PLD1: variants seen among roughly 807,000 people sequenced by gnomAD.
The protein encoded by PLD1 is choline phosphatase 1.
Under a neutral mutation model 137.1 loss-of-function variants are expected in PLD1, and 112 were observed. The observed-to-expected ratio is 0.82, with a 90% confidence interval of 0.70 to 0.96. PLD1 has a LOEUF of 0.96. PLD1 is among the 40% of genes least tolerant of loss of function. The pLI is 0.00. For missense variants in PLD1, 1,321 were observed against 1,342.0 expected (o/e 0.98, Z 0.24); for synonymous variants, 431 against 454.7 (o/e 0.95, Z 0.66).
At chr3:171,743,995 A>G (rs941525634) in intron 1 of PLD1, among the ~76,000 whole-genome samples, 4 of 152,302 alleles carry the variant, frequency 2.6e-5, no homozygotes, top group East Asian at 1.9e-4. Flanking sequence ...CATACCACAG[A>G]CACACTCAGA....
intron 22 of PLD1, 182 bp from the exon 23 acceptor site, chr3:171,643,071 T>C (rs979579886): frequency 7.9e-6 from 4 of 504,158 alleles, no homozygotes; most frequent in African/African-American, 6.1e-5. Flanking sequence ...ATGCTACTAA[T>C]AGGGACATGA....
intron 18 of PLD1, among the ~76,000 whole-genome samples, chr3:171,675,214 G>A (rs1235650754): frequency 1.3e-5 from 2 of 152,038 alleles, no homozygotes; most frequent in African/African-American, 2.4e-5. Flanking sequence ...TTGCAAAAAT[G>A]AGACTATTGT....
At chr3:171,770,534 A>T (rs894587269) in intron 1 of PLD1, among the ~76,000 whole-genome samples, 2 of 152,158 alleles carry the variant, frequency 1.3e-5, no homozygotes, top group African/African-American at 4.8e-5. Flanking sequence ...CTGTGTATAA[A>T]ATCATATTTA....
chr3:171,676,258 T>C (rs992735208), intron 18 of PLD1, among the ~76,000 whole-genome samples: 17 of 152,168 alleles, frequency 1.1e-4, no homozygotes, highest in African/African-American at 4.1e-4. Context: ...TAATACTTCT[T>C]GGTTTGCTCA....
At chr3:171,769,081 T>C (rs1034891692) in intron 1 of PLD1, among the ~76,000 whole-genome samples, 1 of 152,224 alleles carries the variant, frequency 6.6e-6, no homozygotes, top group Admixed American at 6.5e-5. Context: ...AGTCCTTTTT[T>C]TTCTCCCACG....
chr3:171,615,895 A>C (rs1733063394), intron 24 of PLD1, among the ~76,000 whole-genome samples: 1 of 152,184 alleles, frequency 6.6e-6, no homozygotes, highest in South Asian at 2.1e-4. Flanking sequence ...TGGGTTGCTA[A>C]GCTGCAGGGT....
In PLD1 at chr3:171,632,582, A is replaced by T. The variant is rs9860038; in HGVS notation, c.2593+10258T>A. 9.3e-3 allele frequency among the ~76,000 whole-genome samples: 1,407 copies of T among 151,970 alleles called. 23 individuals are homozygous for T. The highest frequency in any genetic ancestry group is 0.028 in the African/African-American group (1,172 of 41,424). On this transcript the variant is annotated intron_variant, in intron 23 of 26. Transcript: ENST00000351298. ...CATGGCTGCAACTTATTCCAAAATG[A>T]CTCAGGGTAAAAAAAAAAATCCCTA...
intron 16 of PLD1, among the ~76,000 whole-genome samples, 171 bp downstream of exon 16, chr3:171,686,514 G>T: frequency 6.6e-6 from 1 of 152,346 alleles, no homozygotes; most frequent in Non-Finnish European, 1.5e-5. Flanking sequence ...AGGGAGTAGG[G>T]ATCTTGGATA....
intron 23 of PLD1, among the ~76,000 whole-genome samples, chr3:171,623,967 T>A (rs1198488526): frequency 7.1e-6 from 1 of 140,122 alleles, no homozygotes; most frequent in Non-Finnish European, 1.5e-5. Flanking sequence ...ATACTTCAAA[T>A]GTAAGAAAGA....
intron 12 of PLD1, 42 bp downstream of exon 12, chr3:171,699,703 C>G: frequency 7.4e-7 from 1 of 1,356,416 alleles, no homozygotes; most frequent in Non-Finnish European, 1.1e-6. Flanking sequence ...AGACAACAGA[C>G]AGTTAAAAAA....
Position 171,624,283 on chromosome 3 carries a change from C to T in PLD1, c.2594-3763G>A, listed in dbSNP as rs141713402. On this transcript the variant is annotated intron_variant, in intron 23 of 26. Coordinates refer to ENST00000351298, the MANE Select transcript of PLD1 (RefSeq NM_002662.5). ...ATTTGAAAAGATATCCATCTTGACT[C>T]ATAATTATAGGAATGCAAATAAAAA... Among the ~76,000 whole-genome samples the T allele has an allele frequency of 1.3e-3, 196 of 152,136 alleles. 2 individuals are homozygous for T. The highest frequency in any genetic ancestry group is 9.0e-3 in the Admixed American group (137 of 15,274).
intron 25 of PLD1, among the ~76,000 whole-genome samples, chr3:171,608,506 G>A (rs1444437516): frequency 6.6e-6 from 1 of 152,120 alleles, no homozygotes; most frequent in Non-Finnish European, 1.5e-5. Flanking sequence ...AAGTGGTATG[G>A]CAAAAAGTAG....
At chr3:171,722,609 C>T (rs1366155950) in intron 8 of PLD1, among the ~76,000 whole-genome samples, 3 of 152,056 alleles carry the variant, frequency 2.0e-5, no homozygotes, top group African/African-American at 7.2e-5. Context: ...TTCATTTATC[C>T]TGTTTTCAAG....
At chr3:171,709,410 T>C (rs1716963470) in intron 10 of PLD1, 150 bp downstream of exon 10, 2 of 556,412 alleles carry the variant, frequency 3.6e-6, no homozygotes, top group South Asian at 6.7e-5. Flanking sequence ...TATAATCAGG[T>C]AGTCCCATAA....
intron 7 of PLD1, among the ~76,000 whole-genome samples, chr3:171,725,747 C>T (rs1479447501): frequency 2.6e-5 from 4 of 152,214 alleles, no homozygotes; most frequent in Non-Finnish European, 5.9e-5. Context: ...ACACATCAGA[C>T]TTGCTATAGG....
intron 1 of PLD1, among the ~76,000 whole-genome samples, chr3:171,799,812 C>T (rs564403236): frequency 6.6e-6 from 1 of 152,306 alleles, no homozygotes; most frequent in African/African-American, 2.4e-5. Context: ...AACCCATCAT[C>T]CCAATCTAAT....
chr3:171,613,929 A>T (rs771538296), intron 24 of PLD1, among the ~76,000 whole-genome samples: 1 of 152,164 alleles, frequency 6.6e-6, no homozygotes, highest in Admixed American at 6.5e-5. Flanking sequence ...TAGCTGCAAC[A>T]ACTCCACTGC....
intron 6 of PLD1, among the ~76,000 whole-genome samples, chr3:171,729,509 G>A (rs972890443): frequency 1.3e-5 from 2 of 152,118 alleles, no homozygotes; most frequent in African/African-American, 4.8e-5. Flanking sequence ...ACTTTCAGAG[G>A]CTCCTTTTAT....
intron 1 of PLD1, among the ~76,000 whole-genome samples, chr3:171,799,231 C>T (rs929760420): frequency 4.7e-5 from 7 of 150,486 alleles, no homozygotes; most frequent in Non-Finnish European, 7.4e-5. Context: ...CGCAGCTACT[C>T]AGGAGGCTAA....
Sources: allele counts gnomAD v4.1 joint callset (sites outside exome capture counted in the v4.1 genomes callset), GRCh38; gene constraint gnomAD v4.1.1; transcripts MANE v1.5; gene names NCBI Gene and HGNC (gene_info 2026-07-23, HGNC 2026-07-21).